STK31: variants seen among roughly 807,000 people sequenced by gnomAD.
STK31 encodes the protein serine/threonine-protein kinase 31.
Under a neutral mutation model 129.7 loss-of-function variants are expected in STK31, and 89 were observed. That is an observed-to-expected ratio of 0.69 (90% CI 0.58 to 0.82). The LOEUF is 0.82. STK31 is among the 40% of genes least tolerant of loss of function. The pLI is 0.00. For missense variants in STK31, 1,187 were observed against 1,176.4 expected (o/e 1.01, Z -0.13); for synonymous variants, 448 against 395.3 (o/e 1.13, Z -1.58).
chr7:23,722,531 G>A (rs1584327726), intron 4 of STK31: 1 of 152,584 alleles, frequency 6.6e-6, no homozygotes, highest in African/African-American at 2.4e-5. Flanking sequence ...CTACTCGGGG[G>A]TCAGGGACCC....
intron 14 of STK31, 87 bp downstream of exon 14, chr7:23,771,211 CAGTGTCAGTAAATTG>C: frequency 8.1e-7 from 1 of 1,241,920 alleles, no homozygotes; most frequent in Non-Finnish European, 1.1e-6. Flanking sequence ...GTTTAATACT[CAGTGTCAGTAAATTG>C]TTATTACTAG....
chr7:23,828,859 C>T (rs919044608), intron 23 of STK31, among the ~76,000 whole-genome samples: 2 of 151,908 alleles, frequency 1.3e-5, no homozygotes, highest in African/African-American at 4.8e-5. Context: ...TGTCTTGTTC[C>T]AGTTCTTTAG....
At chr7:23,730,641 C>T (rs969056873) in intron 6 of STK31, among the ~76,000 whole-genome samples, 7 of 151,408 alleles carry the variant, frequency 4.6e-5, no homozygotes, top group African/African-American at 7.3e-5. Flanking sequence ...GACTTCAAGT[C>T]GTGAAGCTAA....
At chr7:23,770,963 A>G (rs755319018) in intron 13 of STK31, 42 bp from the exon 14 acceptor site, 17 of 1,563,528 alleles carry the variant, frequency 1.1e-5, no homozygotes, top group Non-Finnish European at 1.5e-5. Flanking sequence ...GCTGTTTTGG[A>G]TATTCCTTTG....
Position 23,832,156 on chromosome 7 carries a change from C to G in STK31, c.2850C>G (p.Leu950=). ...QFHLDDKVKS[L]LCSLICYRSS... is the part of the protein sequence containing the mutation. ...TGCAGGATGATAAAGTCAAATCCCT[C>G]CTCTGTAGCTTGATATGTTATAGAA... The change falls in exon 24 of 24, where the codon CTC becomes CTG. Residue 950 remains leucine, a synonymous_variant. Coordinates refer to ENST00000355870, the MANE Select transcript of STK31 (RefSeq NM_031414.5). 1 of 1,613,662 alleles carries G rather than the reference C, an allele frequency of 6.2e-7. No individual in the cohort carries two copies. Among genetic ancestry groups the G allele is most frequent in the Non-Finnish European group, 8.5e-7 (1 of 1,179,762 alleles).
At chr7:23,752,688 C>A (rs1241042262) in intron 8 of STK31, 29 bp from the exon 9 acceptor site, 3 of 1,521,922 alleles carry the variant, frequency 2.0e-6, no homozygotes, top group Admixed American at 3.4e-5. Flanking sequence ...ATTTGGGTCT[C>A]ACGAGAATGT....
At chr7:23,762,985 A>G in intron 11 of STK31, 62 bp downstream of exon 11, 1 of 1,384,146 alleles carries the variant, frequency 7.2e-7, no homozygotes, top group Non-Finnish European at 9.6e-7. Flanking sequence ...AAGTGAAATT[A>G]GCATTTACCT....
At position 23,832,452 on chromosome 7, in the gene STK31, A is replaced by G. The variant is rs1794619835; in HGVS notation, c.*86A>G. On this transcript the variant is annotated 3_prime_UTR_variant, in exon 24 of 24. Transcript: ENST00000355870. ...AAATATCTAGAAATGTTCTGGGACT[A>G]GTTGAGTTGTATCTTTAGTATTCAG... The G allele has an allele frequency of 1.1e-6, 1 of 950,284 alleles. No individual in the cohort carries two copies. Among genetic ancestry groups the G allele is most frequent in the Non-Finnish European group, 1.6e-6 (1 of 623,716 alleles). The allele number at this position is 950,284 out of a possible 1,614,324, so 58.9% of individuals were successfully genotyped here.
Position 23,786,523 on chromosome 7 carries a change from GT to G in STK31, c.2292del (p.Asp765ThrfsTer6). The G allele has an allele frequency of 6.2e-7, 1 of 1,613,268 alleles. No homozygotes were observed. The highest frequency in any genetic ancestry group is 2.2e-5 in the East Asian group (1 of 44,812). On this transcript the variant is annotated frameshift_variant, in exon 19 of 24. Coordinates refer to ENST00000355870, the MANE Select transcript of STK31 (RefSeq NM_031414.5). LOFTEE classifies it high-confidence loss of function. ...TTGGTACAAGGGCTATTCTGTGGAT[GT>G]TGACACAGAAGCCAAGGTGATTGAG... ...IILLKGYSVD[V>X]DTEAKVIERA...
intron 22 of STK31, among the ~76,000 whole-genome samples, chr7:23,794,783 T>C (rs1791852429): frequency 6.6e-6 from 1 of 152,172 alleles, no homozygotes; most frequent in Non-Finnish European, 1.5e-5. Context: ...GCCCCTGTCC[T>C]AGAGATTGGT....
In STK31 at chr7:23,832,331, A is replaced by T; in HGVS notation, c.3025A>T (p.Lys1009Ter). 6.2e-7 allele frequency: 1 copy of T among 1,612,676 alleles called. No homozygotes were observed. Among genetic ancestry groups the T allele is most frequent in the Non-Finnish European group, 8.5e-7 (1 of 1,179,794 alleles). ...KTENLDKCME[K>*]TRNGEANFDC ...GGAGAACTTGGATAAATGTATGGAGAAGACAAGAAATGGTGAAGCCAACTT... is the reference window on the plus strand; with the variant it reads ...GGAGAACTTGGATAAATGTATGGAGTAGACAAGAAATGGTGAAGCCAACTT... The change falls in exon 24 of 24, where the codon AAG becomes TAG. Residue 1009 changes from lysine (K) to a stop codon, truncating the protein, a stop_gained. Transcript: ENST00000355870. LOFTEE classifies it high-confidence loss of function.
chr7:23,811,292 T>C (rs899370923), intron 22 of STK31: 2 of 404,002 alleles, frequency 5.0e-6, no homozygotes, highest in Non-Finnish European at 9.7e-6. Flanking sequence ...AAGTATGTGC[T>C]TGATTTGTTC....
chr7:23,763,431 G>T (rs1308659454), intron 11 of STK31, among the ~76,000 whole-genome samples: 1 of 152,046 alleles, frequency 6.6e-6, no homozygotes, highest in Admixed American at 6.5e-5. Context: ...CTTTAATTCG[G>T]GGTGAATGAA....
chr7:23,813,098 T>TTTTTTTTTTTTTTTTTTTTTG (rs398004031), intron 22 of STK31, among the ~76,000 whole-genome samples: 1 of 147,868 alleles, frequency 6.8e-6, no homozygotes, highest in African/African-American at 2.5e-5. Flanking sequence ...TTTTTTTTTT[T>TTTTTTTTTTTTTTTTTTTTTG]GTCTGTTTTC....
intron 9 of STK31, 76 bp from the exon 10 acceptor site, chr7:23,754,239 C>T (rs1219175258): frequency 8.1e-6 from 12 of 1,484,260 alleles, no homozygotes; most frequent in Non-Finnish European, 1.0e-5. Context: ...TAGACCATTA[C>T]TATTAAAGTG....
At chr7:23,818,922 C>G (rs1793625991) in intron 23 of STK31, among the ~76,000 whole-genome samples, 2 of 152,088 alleles carry the variant, frequency 1.3e-5, no homozygotes, top group African/African-American at 4.8e-5. Context: ...ACTGCTGGCC[C>G]TCATTGCTAT....
intron 15 of STK31, among the ~76,000 whole-genome samples, chr7:23,773,138 G>T (rs1174475425): frequency 2.0e-5 from 3 of 152,014 alleles, no homozygotes; most frequent in Non-Finnish European, 4.4e-5. Context: ...GTGGTTTGCT[G>T]CACCCATCAA....
intron 8 of STK31, among the ~76,000 whole-genome samples, chr7:23,749,554 T>C (rs1042030637): frequency 6.6e-6 from 1 of 151,422 alleles, no homozygotes; most frequent in Non-Finnish European, 1.5e-5. Flanking sequence ...CATTTTGTCT[T>C]GTTGCCCAGG....
chr7:23,715,633 A>T (rs550457907), intron 3 of STK31, among the ~76,000 whole-genome samples: 108 of 152,166 alleles, frequency 7.1e-4, no homozygotes, highest in Middle Eastern at 3.4e-3. Context: ...ATAGTGAAAA[A>T]ATATAGTTAT....
Sources: gnomAD v4.1 joint callset for allele counts (sites outside exome capture counted in the v4.1 genomes callset) on GRCh38, gnomAD v4.1.1 for gene constraint, MANE v1.5 for transcripts, NCBI Gene and HGNC (gene_info 2026-07-23, HGNC 2026-07-21) for gene names.